Variants in LRMDA observed in about 807,000 individuals in gnomAD.
LRMDA encodes the protein leucine rich melanocyte differentiation associated.
In LRMDA, 18 loss-of-function variants were observed where a neutral mutation model predicts 29.8. The ratio of observed to expected loss-of-function variants is 0.60; its 90% CI spans 0.42 to 0.90. LRMDA has a LOEUF of 0.90. Ranked by LOEUF, LRMDA falls within the 40% of genes least tolerant of loss-of-function variation. The pLI is 0.00. For missense variants in LRMDA, 273 were observed against 273.9 expected (o/e 1.00, Z 0.02); for synonymous variants, 125 against 109.4 (o/e 1.14, Z -0.89).
chr10:75,528,234 C>T (rs1246196176), intron 2 of LRMDA, among the ~76,000 whole-genome samples: 3 of 152,208 alleles, frequency 2.0e-5, no homozygotes, highest in African/African-American at 4.8e-5. Context: ...CTGAAAATAT[C>T]TCTGAAAGTT....
intron 2 of LRMDA, among the ~76,000 whole-genome samples, chr10:75,737,090 C>T (rs546266832): frequency 1.1e-4 from 17 of 151,634 alleles, no homozygotes; most frequent in African/African-American, 4.1e-4. Context: ...CACATGCATG[C>T]ACACACACAC....
intron 6 of LRMDA, among the ~76,000 whole-genome samples, chr10:76,551,018 G>A (rs1395813041): frequency 6.6e-6 from 1 of 152,198 alleles, no homozygotes; most frequent in Non-Finnish European, 1.5e-5. Context: ...AAACATGGGT[G>A]TTTATTCCTT....
chr10:75,942,647 A>G (rs961663899), intron 2 of LRMDA, among the ~76,000 whole-genome samples: 6 of 152,136 alleles, frequency 3.9e-5, no homozygotes, highest in African/African-American at 1.4e-4. Context: ...GAACCCCATT[A>G]GTTTTGCAGT....
intron 2 of LRMDA, among the ~76,000 whole-genome samples, chr10:76,003,034 G>A (rs1847587402): frequency 6.6e-6 from 1 of 152,204 alleles, no homozygotes; most frequent in Non-Finnish European, 1.5e-5. Context: ...AAATATAGGA[G>A]TTTTGTGCCT....
At chr10:75,571,553 A>C (rs1373619254) in intron 2 of LRMDA, among the ~76,000 whole-genome samples, 2 of 152,198 alleles carry the variant, frequency 1.3e-5, no homozygotes, top group Non-Finnish European at 2.9e-5. Flanking sequence ...TTAAAGGCCG[A>C]TGTTAGGATC....
chr10:75,813,426 C>T (rs2132273586), intron 2 of LRMDA, among the ~76,000 whole-genome samples: 1 of 152,208 alleles, frequency 6.6e-6, no homozygotes, highest in East Asian at 1.9e-4. Context: ...AGCTGAGAAT[C>T]TGTATTTTAT....
intron 3 of LRMDA, among the ~76,000 whole-genome samples, chr10:76,045,387 G>C (rs1054930926): frequency 7.4e-6 from 1 of 135,922 alleles, no homozygotes; most frequent in Non-Finnish European, 1.5e-5. Context: ...TCCTTCTCTT[G>C]CTAGTTTCCC....
At chr10:75,751,084 C>T (rs965182275) in intron 2 of LRMDA, among the ~76,000 whole-genome samples, 3 of 152,216 alleles carry the variant, frequency 2.0e-5, no homozygotes, top group Non-Finnish European at 2.9e-5. Flanking sequence ...GAGTCTGAGG[C>T]GGGCAGATCA....
intron 2 of LRMDA, among the ~76,000 whole-genome samples, chr10:75,792,275 G>T (rs1211471441): frequency 6.7e-6 from 1 of 148,582 alleles, no homozygotes; most frequent in Non-Finnish European, 1.5e-5. Flanking sequence ...TTGTTTGTTT[G>T]TTTGTTTGAG....
At chr10:75,841,417 C>G (rs1017371331) in intron 2 of LRMDA, among the ~76,000 whole-genome samples, 4 of 152,212 alleles carry the variant, frequency 2.6e-5, no homozygotes, top group Non-Finnish European at 5.9e-5. Context: ...TCAAGCCAGT[C>G]CTGGGAGCCT....
chr10:75,570,756 A>AT (rs1480814143), intron 2 of LRMDA, among the ~76,000 whole-genome samples: 1 of 152,186 alleles, frequency 6.6e-6, no homozygotes, highest in East Asian at 1.9e-4. Flanking sequence ...CTTTTGTCAA[A>AT]TTGCCAGTCC....
intron 2 of LRMDA, among the ~76,000 whole-genome samples, chr10:75,468,682 G>A (rs930651598): frequency 3.3e-5 from 5 of 152,018 alleles, no homozygotes; most frequent in Admixed American, 6.6e-5. Context: ...AGGTCTTTGC[G>A]GGGGGCTGTC....
chr10:76,302,753 C>CA (rs1230774133), intron 5 of LRMDA, among the ~76,000 whole-genome samples: 1 of 152,124 alleles, frequency 6.6e-6, no homozygotes, highest in East Asian at 1.9e-4. Flanking sequence ...GAGAAATCCA[C>CA]AAAAATGAGA....
At chr10:76,264,705 G>A (rs373470381) in intron 5 of LRMDA, among the ~76,000 whole-genome samples, 10 of 152,140 alleles carry the variant, frequency 6.6e-5, no homozygotes, top group East Asian at 3.9e-4. Flanking sequence ...AAACAGAAAG[G>A]TACGCATGGA....
chr10:76,428,190 T>A (rs1045105503), intron 6 of LRMDA, among the ~76,000 whole-genome samples: 2 of 152,172 alleles, frequency 1.3e-5, no homozygotes, highest in African/African-American at 4.8e-5. Flanking sequence ...AGTTTAGAAG[T>A]CTTTAGTGCT....
intron 5 of LRMDA, among the ~76,000 whole-genome samples, chr10:76,310,959 T>C (rs1840622307): frequency 6.6e-6 from 1 of 152,184 alleles, no homozygotes; most frequent in Non-Finnish European, 1.5e-5. Context: ...TAGAAGTTCA[T>C]TTGCCTCTTG....
At chr10:76,128,266 A>G (rs1589339698) in intron 5 of LRMDA, among the ~76,000 whole-genome samples, 1 of 152,142 alleles carries the variant, frequency 6.6e-6, no homozygotes, top group African/African-American at 2.4e-5. Flanking sequence ...GGGTTTTCAG[A>G]CCCTGGGACA....
intron 2 of LRMDA, among the ~76,000 whole-genome samples, chr10:75,638,174 A>G (rs1841410901): frequency 6.6e-6 from 1 of 152,154 alleles, no homozygotes; most frequent in South Asian, 2.1e-4. Flanking sequence ...TTGAATCCCA[A>G]CTGCTTCAGA....
intron 2 of LRMDA, among the ~76,000 whole-genome samples, chr10:75,788,245 A>T (rs1053157798): frequency 6.6e-6 from 1 of 152,222 alleles, no homozygotes; most frequent in Non-Finnish European, 1.5e-5. Flanking sequence ...TGGGAGTTTT[A>T]GTTTCTTTTA....
Sources: allele counts gnomAD v4.1 joint callset (sites outside exome capture counted in the v4.1 genomes callset), GRCh38; gene constraint gnomAD v4.1.1; transcripts MANE v1.5; gene names NCBI Gene and HGNC (gene_info 2026-07-23, HGNC 2026-07-21).